Variants in UMAD1 observed in about 807,000 individuals in gnomAD.
The protein encoded by UMAD1 is UBAP1-MVB12-associated (UMA)-domain containing protein 1.
A neutral mutation model predicts 6.1 loss-of-function variants in UMAD1; 8 were observed. The observed-to-expected ratio is 1.30, with a 90% confidence interval of 0.76 to 2.35. The LOEUF (loss-of-function observed/expected upper bound fraction) is 2.35, where lower values mean the gene tolerates loss of function less well. Among genes scored for constraint, UMAD1 ranks in the 30% most tolerant of loss-of-function variants. The pLI is 0.00. For synonymous variants in UMAD1, 56 were observed against 31.4 expected (o/e 1.78, Z -2.61); for missense variants, 130 against 78.4 (o/e 1.66, Z -2.49).
At chr7:7,874,487 A>T (rs1237327016) in intron 3 of UMAD1, among the ~76,000 whole-genome samples, 1 of 152,232 alleles carries the variant, frequency 6.6e-6, no homozygotes, top group Non-Finnish European at 1.5e-5. Flanking sequence ...AGAAGCCAGA[A>T]GCAAGAGTTC....
intron 1 of UMAD1, among the ~76,000 whole-genome samples, chr7:7,646,652 T>G (rs924019351): frequency 1.3e-5 from 2 of 151,968 alleles, no homozygotes; most frequent in African/African-American, 4.8e-5. Flanking sequence ...ATCAGCAGTA[T>G]GAAAATGAAC....
chr7:7,679,423 A>G lies in UMAD1; in HGVS notation c.82+5970A>G, dbSNP rs1484250887. 2.6e-4 allele frequency among the ~76,000 whole-genome samples: 3 copies of G among 11,534 alleles called. 1 individual carries two copies. Among genetic ancestry groups the G allele is most frequent in the Admixed American group, 2.7e-3 (2 of 740 alleles). 7.6% of individuals were successfully genotyped at this position (11,534 alleles called of 152,430 possible). On this transcript the variant is annotated intron_variant, in intron 2 of 3. Transcript: ENST00000682710. ...TAGATAATATATATTTATATATTTA[A>G]TTTATAGATAAATATATATTTATAT...
At chr7:7,703,591 A>G (rs1780521318) in intron 2 of UMAD1, among the ~76,000 whole-genome samples, 1 of 152,190 alleles carries the variant, frequency 6.6e-6, no homozygotes, top group Non-Finnish European at 1.5e-5. Flanking sequence ...CTTACAACAC[A>G]GGTGCTAACA....
chr7:7,714,467 C>T (rs899848401), intron 2 of UMAD1, among the ~76,000 whole-genome samples: 8 of 152,168 alleles, frequency 5.3e-5, no homozygotes, highest in Admixed American at 2.0e-4. Context: ...CTTATAGCTA[C>T]GAAACTTTGT....
At chr7:7,759,980 C>T (rs1469297055) in intron 2 of UMAD1, among the ~76,000 whole-genome samples, 2 of 152,038 alleles carry the variant, frequency 1.3e-5, no homozygotes, top group East Asian at 1.9e-4. Flanking sequence ...TGAATCTAGA[C>T]GAGCTGATGA....
chr7:7,783,737 C>T (rs1782398387), intron 2 of UMAD1, among the ~76,000 whole-genome samples: 1 of 152,220 alleles, frequency 6.6e-6, no homozygotes, highest in Non-Finnish European at 1.5e-5. Flanking sequence ...GAAACAATTA[C>T]ACCAGCAGAA....
intron 3 of UMAD1, among the ~76,000 whole-genome samples, chr7:7,834,913 G>A (rs1204811855): frequency 6.6e-6 from 1 of 152,136 alleles, no homozygotes; most frequent in Middle Eastern, 3.2e-3. Flanking sequence ...CGAAGGGGAA[G>A]TAAGGCATGT....
intron 1 of UMAD1, among the ~76,000 whole-genome samples, chr7:7,663,068 C>A (rs1313244539): frequency 1.3e-5 from 2 of 152,020 alleles, no homozygotes; most frequent in East Asian, 1.9e-4. Flanking sequence ...TAACCCAGCA[C>A]AGGCACCCAA....
chr7:7,805,439 C>G (rs1484454089), intron 3 of UMAD1, among the ~76,000 whole-genome samples: 1 of 152,184 alleles, frequency 6.6e-6, no homozygotes, highest in Non-Finnish European at 1.5e-5. Flanking sequence ...CCCTCTATAT[C>G]CGGAATGTGA....
At chr7:7,720,953 G>C (rs1001583804) in intron 2 of UMAD1, among the ~76,000 whole-genome samples, 1 of 152,170 alleles carries the variant, frequency 6.6e-6, no homozygotes, top group African/African-American at 2.4e-5. Flanking sequence ...ATTGGAGTGG[G>C]CCCTCCTCCT....
chr7:7,736,984 C>A (rs1487040533), intron 2 of UMAD1: 2 of 152,356 alleles, frequency 1.3e-5, no homozygotes, highest in African/African-American at 4.8e-5. Context: ...GAAGACCCCA[C>A]TGCTTCTCCA....
At chr7:7,728,765 G>A (rs1042000911) in intron 2 of UMAD1, among the ~76,000 whole-genome samples, 1 of 152,152 alleles carries the variant, frequency 6.6e-6, no homozygotes, top group African/African-American at 2.4e-5. Context: ...ATAGTATTAA[G>A]ATTCCAGTAG....
At chr7:7,740,991 TG>T (rs370808200) in intron 2 of UMAD1, 1 of 152,246 alleles carries the variant, frequency 6.6e-6, no homozygotes, top group African/African-American at 2.4e-5. Context: ...CTTCTGTTAA[TG>T]TTGAAATTAG....
At chr7:7,672,666 G>A (rs901973540) in intron 1 of UMAD1, among the ~76,000 whole-genome samples, 13 of 152,118 alleles carry the variant, frequency 8.5e-5, no homozygotes, top group Admixed American at 3.3e-4. Flanking sequence ...TCTCCCTGTC[G>A]TCCTGTGAGG....
intron 1 of UMAD1, among the ~76,000 whole-genome samples, chr7:7,646,009 G>C (rs1024186151): frequency 3.9e-5 from 6 of 152,182 alleles, no homozygotes; most frequent in African/African-American, 1.4e-4. Flanking sequence ...GGGAGAGGGA[G>C]CATGCAGGTG....
chr7:7,665,582 T>A (rs577079351), intron 1 of UMAD1, among the ~76,000 whole-genome samples: 12 of 152,204 alleles, frequency 7.9e-5, no homozygotes, highest in Non-Finnish European at 1.2e-4. Flanking sequence ...TGAGTTTTGA[T>A]GTGTGCTTAT....
chr7:7,793,568 A>G (rs1374663081), intron 2 of UMAD1, among the ~76,000 whole-genome samples: 3 of 152,180 alleles, frequency 2.0e-5, no homozygotes, highest in Admixed American at 1.3e-4. Context: ...TGTGTCTTCA[A>G]GGTGCCTGGC....
At chr7:7,861,229 T>C (rs967952701) in intron 3 of UMAD1, among the ~76,000 whole-genome samples, 4 of 152,158 alleles carry the variant, frequency 2.6e-5, no homozygotes, top group African/African-American at 9.7e-5. Flanking sequence ...TAAAAATGGT[T>C]AAGATGGTAA....
chr7:7,765,335 A>G (rs1320957479), intron 2 of UMAD1, among the ~76,000 whole-genome samples: 3 of 152,206 alleles, frequency 2.0e-5, no homozygotes, highest in African/African-American at 7.2e-5. Context: ...AGTGCTTAAA[A>G]ACAATAATAT....
Sources: gnomAD v4.1 joint callset for allele counts (sites outside exome capture counted in the v4.1 genomes callset) on GRCh38, gnomAD v4.1.1 for gene constraint, MANE v1.5 for transcripts, NCBI Gene and HGNC (gene_info 2026-07-23, HGNC 2026-07-21) for gene names.